Variants in ANKRD62 observed in about 807,000 individuals in gnomAD.
The protein encoded by ANKRD62 is ankyrin repeat domain-containing protein 62.
In ANKRD62, 61 loss-of-function variants were observed where a neutral mutation model predicts 98.8. The observed-to-expected ratio is 0.62, with a 90% CI of 0.50 to 0.76. The LOEUF is 0.76. ANKRD62 is among the 30% of genes least tolerant of loss of function. The pLI, the probability that ANKRD62 is intolerant of heterozygous loss-of-function variation, is 0.00. For missense variants in ANKRD62, 933 were observed against 1,082.9 expected (o/e 0.86, Z 1.94); for synonymous variants, 341 against 367.9 (o/e 0.93, Z 0.84).
chr18:12,150,322 A>G, the ANKRD62 span, among the ~76,000 whole-genome samples: 2 of 152,360 alleles, frequency 1.3e-5, no homozygotes, highest in East Asian at 1.9e-4. Flanking sequence ...GGCCAAGTCT[A>G]TTTATCATTG....
Position 12,095,499 on chromosome 18 carries a change from T to C in ANKRD62, c.396T>C (p.Asn132=). Residue 132 remains asparagine (N), a synonymous_variant, in exon 3 of 14, where the codon AAT becomes AAC. Coordinates refer to ENST00000587848, the MANE Select transcript of ANKRD62 (RefSeq NM_001277333.2). ...TGCTGGAACATGGCGCCAACCCAAATGTTAGAGATATGTATGGCAACACTG... is the reference window on the plus strand; with the variant it reads ...TGCTGGAACATGGCGCCAACCCAAACGTTAGAGATATGTATGGCAACACTG... ...SILLEHGANP[N]VRDMYGNTAL... 1.3e-6 allele frequency: 2 copies of C among 1,572,650 alleles called. No homozygotes were observed. Among genetic ancestry groups the C allele is most frequent in the East Asian group, 2.3e-5 (1 of 43,818 alleles).
intron 10 of ANKRD62, among the ~76,000 whole-genome samples, chr18:12,116,712 AT>A (rs1052621680): frequency 1.3e-5 from 2 of 152,176 alleles, no homozygotes; most frequent in African/African-American, 4.8e-5. Flanking sequence ...TAGATTTTGC[AT>A]TTCCACGTGA....
chr18:12,139,760 C>T, the ANKRD62 span, among the ~76,000 whole-genome samples: 1 of 152,130 alleles, frequency 6.6e-6, no homozygotes, highest in Non-Finnish European at 1.5e-5. Context: ...CCCGACCTTT[C>T]TCTCTGGCTG....
chr18:12,161,699 G>T, the ANKRD62 span, among the ~76,000 whole-genome samples: 1 of 151,888 alleles, frequency 6.6e-6, no homozygotes, highest in Non-Finnish European at 1.5e-5. Context: ...CCAACCTCTG[G>T]CAACCATCCT....
At chr18:12,178,183 AC>A in the ANKRD62 span, among the ~76,000 whole-genome samples, 1 of 151,482 alleles carries the variant, frequency 6.6e-6, no homozygotes, top group Admixed American at 6.6e-5. Flanking sequence ...GTAAGGCAAG[AC>A]CTGAAAGACA....
chr18:12,141,368 A>G, the ANKRD62 span, among the ~76,000 whole-genome samples: 2 of 152,038 alleles, frequency 1.3e-5, no homozygotes, highest in Admixed American at 1.3e-4. Flanking sequence ...GTCTGGCACT[A>G]CCCCATGAGA....
chr18:12,157,017 G>T, the ANKRD62 span, among the ~76,000 whole-genome samples: 5 of 152,132 alleles, frequency 3.3e-5, no homozygotes, highest in Non-Finnish European at 7.3e-5. Flanking sequence ...CAAGCAATCT[G>T]CTTGCCTCGG....
At chr18:12,159,829 A>C in the ANKRD62 span, among the ~76,000 whole-genome samples, 1 of 152,224 alleles carries the variant, frequency 6.6e-6, no homozygotes, top group Non-Finnish European at 1.5e-5. Context: ...CTGTGAGACT[A>C]TAATGTTTTT....
intron 13 of ANKRD62, among the ~76,000 whole-genome samples, chr18:12,127,416 C>T (rs1014364117): frequency 2.0e-5 from 3 of 152,148 alleles, no homozygotes; most frequent in African/African-American, 7.2e-5. Context: ...ATAAAAAAGA[C>T]GGAAAACACT....
intron 7 of ANKRD62, among the ~76,000 whole-genome samples, chr18:12,104,947 T>G (rs185741321): frequency 2.0e-5 from 3 of 152,188 alleles, no homozygotes; most frequent in Middle Eastern, 3.4e-3. Flanking sequence ...TAACATAGAC[T>G]GGGAGAATTT....
chr18:12,095,077 A>T, intron 1 of ANKRD62, 94 bp from the exon 2 acceptor site: 1 of 898,010 alleles, frequency 1.1e-6, no homozygotes, highest in Non-Finnish European at 1.7e-6. Context: ...AGGCAGAGGG[A>T]TAACATACTA....
intron 5 of ANKRD62, among the ~76,000 whole-genome samples, chr18:12,099,245 G>A (rs1909247908): frequency 6.6e-6 from 1 of 152,044 alleles, no homozygotes; most frequent in African/African-American, 2.4e-5. Context: ...CTTAAAATGT[G>A]GTTTCATTAA....
chr18:12,094,723 G>A (rs1240834372), intron 1 of ANKRD62, among the ~76,000 whole-genome samples: 12 of 61,682 alleles, frequency 1.9e-4, no homozygotes, highest in African/African-American at 7.8e-4. Context: ...GGTAGAGTTG[G>A]GTGGGAGACT....
At chr18:12,151,304 T>C in the ANKRD62 span, among the ~76,000 whole-genome samples, 1 of 152,178 alleles carries the variant, frequency 6.6e-6, no homozygotes, top group African/African-American at 2.4e-5. Context: ...CTTAGAGATC[T>C]ACAAAGAGAC....
chr18:12,149,960 A>G, the ANKRD62 span, among the ~76,000 whole-genome samples: 1 of 152,094 alleles, frequency 6.6e-6, no homozygotes, highest in East Asian at 1.9e-4. Flanking sequence ...CATGATAGAA[A>G]TAGAATTCAG....
At chr18:12,135,207 A>G in the ANKRD62 span, among the ~76,000 whole-genome samples, 2 of 88,700 alleles carry the variant, frequency 2.3e-5, no homozygotes, top group African/African-American at 9.7e-5. Context: ...CCCACCCCAC[A>G]ACAGTCCCCA....
At chr18:12,157,930 C>T in the ANKRD62 span, among the ~76,000 whole-genome samples, 1 of 152,188 alleles carries the variant, frequency 6.6e-6, no homozygotes, top group Non-Finnish European at 1.5e-5. Flanking sequence ...CTAGGGTGAA[C>T]CCCTTATGTT....
chr18:12,139,500 G>A, the ANKRD62 span, among the ~76,000 whole-genome samples: 2 of 152,034 alleles, frequency 1.3e-5, no homozygotes, highest in African/African-American at 4.8e-5. Flanking sequence ...GAAAAAATGA[G>A]CCGGACGTGG....
the ANKRD62 span, among the ~76,000 whole-genome samples, chr18:12,159,555 G>A: frequency 2.0e-5 from 3 of 152,172 alleles, no homozygotes; most frequent in South Asian, 2.1e-4. Context: ...AATAAGTAGA[G>A]TCTATAGGTT....
Sources: allele counts gnomAD v4.1 joint callset (sites outside exome capture counted in the v4.1 genomes callset), GRCh38; gene constraint gnomAD v4.1.1; transcripts MANE v1.5; gene names NCBI Gene and HGNC (gene_info 2026-07-23, HGNC 2026-07-21).